The following DCLK1 variants were observed in gnomAD, a reference collection of about 807,000 sequenced individuals.
DCLK1 encodes the protein doublecortin like kinase 1, also known as serine/threonine-protein kinase DCLK1.
In DCLK1, 16 loss-of-function variants were observed where a neutral mutation model predicts 86.2. The observed-to-expected ratio is 0.19, with a 90% CI of 0.13 to 0.28. DCLK1 has a LOEUF of 0.28. Ranked by LOEUF, DCLK1 falls within the 10% of genes least tolerant of loss-of-function variation. DCLK1 has a pLI of 1.00. For synonymous variants in DCLK1, 369 were observed against 370.5 expected (o/e 1.00, Z 0.05); for missense variants, 590 against 940.2 (o/e 0.63, Z 4.87).
chr13:35,978,247 C>T (rs551506494), intron 3 of DCLK1, among the ~76,000 whole-genome samples: 2 of 141,962 alleles, frequency 1.4e-5, no homozygotes, highest in Admixed American at 1.4e-4. Flanking sequence ...CACTCTGTCA[C>T]CCAGCTGGAG....
intron 4 of DCLK1, among the ~76,000 whole-genome samples, chr13:35,895,550 G>T (rs551995976): frequency 5.9e-5 from 9 of 152,240 alleles, no homozygotes; most frequent in African/African-American, 2.2e-4. Context: ...TTCTTGGACT[G>T]AGTAAATTGT....
intron 2 of DCLK1, among the ~76,000 whole-genome samples, chr13:36,115,931 T>C (rs1593904801): frequency 6.7e-6 from 1 of 149,950 alleles, no homozygotes; most frequent in African/African-American, 2.5e-5. Context: ...AAATCACCTA[T>C]GTATTTTTAT....
At chr13:35,945,648 C>T (rs1261013551) in intron 4 of DCLK1, among the ~76,000 whole-genome samples, 1 of 152,104 alleles carries the variant, frequency 6.6e-6, no homozygotes, top group Non-Finnish European at 1.5e-5. Flanking sequence ...AAAGTTAGGG[C>T]AGTTTATTTT....
intron 3 of DCLK1, among the ~76,000 whole-genome samples, chr13:36,095,173 GTTTT>G (rs376231053): frequency 1.8e-5 from 2 of 109,390 alleles, no homozygotes; most frequent in African/African-American, 3.7e-5. Context: ...CTCTCTCTTT[GTTTT>G]TTTTTTTTGT....
chr13:35,857,557 C>G (rs1002711162), intron 5 of DCLK1, among the ~76,000 whole-genome samples: 3 of 152,262 alleles, frequency 2.0e-5, no homozygotes, highest in Non-Finnish European at 4.4e-5. Context: ...TTTCAAAATA[C>G]TCTTTTCCTT....
chr13:36,030,959 G>A (rs145106958), intron 3 of DCLK1, among the ~76,000 whole-genome samples: 38 of 152,160 alleles, frequency 2.5e-4, no homozygotes, highest in Admixed American at 8.5e-4. Context: ...TTAGCAACTC[G>A]AAGAAAGAAC....
intron 3 of DCLK1, among the ~76,000 whole-genome samples, chr13:36,002,388 T>C (rs1880760401): frequency 6.6e-6 from 1 of 152,186 alleles, no homozygotes; most frequent in South Asian, 2.1e-4. Flanking sequence ...GAGAATAAAA[T>C]GAGCTTGAAA....
chr13:35,915,066 G>A (rs1875327801), intron 4 of DCLK1, among the ~76,000 whole-genome samples: 2 of 152,190 alleles, frequency 1.3e-5, no homozygotes, highest in Admixed American at 6.5e-5. Context: ...AATTTCCCAT[G>A]AGAAAGTTAA....
At chr13:35,824,782 CA>C (rs988152586) in intron 10 of DCLK1, among the ~76,000 whole-genome samples, 1 of 152,196 alleles carries the variant, frequency 6.6e-6, no homozygotes, top group Admixed American at 6.5e-5. Flanking sequence ...TATTCTGCCC[CA>C]ACCTTCATTC....
intron 2 of DCLK1, among the ~76,000 whole-genome samples, chr13:36,114,434 G>C (rs1394189000): frequency 1.3e-5 from 2 of 152,178 alleles, no homozygotes; most frequent in Non-Finnish European, 2.9e-5. Flanking sequence ...AGATGATACT[G>C]TGCTAACAGG....
chr13:36,128,693 A>G (rs916783716), intron 1 of DCLK1, among the ~76,000 whole-genome samples: 1 of 152,214 alleles, frequency 6.6e-6, no homozygotes, highest in Non-Finnish European at 1.5e-5. Context: ...CCAAATATGA[A>G]AACTATTTCT....
At chr13:35,929,425 G>A (rs1258140830) in intron 4 of DCLK1, among the ~76,000 whole-genome samples, 1 of 152,158 alleles carries the variant, frequency 6.6e-6, no homozygotes, top group Admixed American at 6.5e-5. Flanking sequence ...CAATAGTTGG[G>A]CAGGGAGCTC....
At chr13:36,082,734 A>G (rs946175622) in intron 3 of DCLK1, among the ~76,000 whole-genome samples, 1 of 152,242 alleles carries the variant, frequency 6.6e-6, no homozygotes, top group Non-Finnish European at 1.5e-5. Context: ...AGAAAGCACT[A>G]GAAGTTGCTA....
intron 6 of DCLK1, chr13:35,850,198 G>A: frequency 1.0e-6 from 1 of 983,504 alleles, no homozygotes; most frequent in Non-Finnish European, 1.2e-6. Context: ...ATCTACCCAA[G>A]TATTTTTATT....
rs533011646 is a variant in DCLK1 at position 35,949,922 on chromosome 13, A to G, written c.724-2465T>C. ...CCAAGAATATAAAAGGAATGCAATG[A>G]TTGTTAGAGAAAAGTAACTGTCATC... is the stretch of plus-strand genomic sequence containing the variant. On this transcript the variant is annotated intron_variant, in intron 3 of 16. Coordinates refer to ENST00000360631, the MANE Select transcript of DCLK1 (RefSeq NM_001330071.2). 2.6e-3 allele frequency among the ~76,000 whole-genome samples: 395 copies of G among 150,612 alleles called. 2 individuals are homozygous for G. The highest frequency in any genetic ancestry group is 9.1e-3 in the African/African-American group (370 of 40,878).
intron 4 of DCLK1, among the ~76,000 whole-genome samples, chr13:35,916,856 G>A (rs897128015): frequency 6.6e-6 from 1 of 152,136 alleles, no homozygotes; most frequent in African/African-American, 2.4e-5. Context: ...AGCATGTGCA[G>A]GAAGGCCTCT....
chr13:35,868,821 GCT>G (rs1872048281), intron 5 of DCLK1, among the ~76,000 whole-genome samples: 3 of 152,076 alleles, frequency 2.0e-5, no homozygotes, highest in Admixed American at 1.3e-4. Context: ...ACAGTGTCTT[GCT>G]CTGTCATCCA....
At chr13:35,847,315 T>C in intron 6 of DCLK1, 6 of 985,250 alleles carry the variant, frequency 6.1e-6, no homozygotes, top group Non-Finnish European at 7.2e-6. Context: ...AGTAACACTT[T>C]ATTACATGAA....
intron 3 of DCLK1, among the ~76,000 whole-genome samples, chr13:36,033,859 A>C (rs925131456): frequency 6.6e-6 from 1 of 152,196 alleles, no homozygotes; most frequent in African/African-American, 2.4e-5. Context: ...CGGGAGGTGG[A>C]GGTTGTGGTG....
Sources: allele counts gnomAD v4.1 joint callset (sites outside exome capture counted in the v4.1 genomes callset), GRCh38; gene constraint gnomAD v4.1.1; transcripts MANE v1.5; gene names NCBI Gene and HGNC (gene_info 2026-07-23, HGNC 2026-07-21).